The following RBMS3 variants were observed in gnomAD, a reference collection of about 807,000 sequenced individuals.
RBMS3 encodes RNA binding motif single stranded interacting protein 3.
In RBMS3, 27 loss-of-function variants were observed where a neutral mutation model predicts 66.8. The ratio of observed to expected loss-of-function variants is 0.40; its 90% CI spans 0.30 to 0.56. The LOEUF (loss-of-function observed/expected upper bound fraction) is 0.56, where lower values mean the gene tolerates loss of function less well. Among genes scored for constraint, RBMS3 ranks in the 20% least tolerant of loss-of-function variants. The pLI is 0.40. For missense variants in RBMS3, 513 were observed against 549.5 expected (o/e 0.93, Z 0.66); for synonymous variants, 188 against 183.0 (o/e 1.03, Z -0.22).
chr3:29,905,909 T>C (rs2060365172), intron 10 of RBMS3, among the ~76,000 whole-genome samples: 1 of 152,152 alleles, frequency 6.6e-6, no homozygotes, highest in Non-Finnish European at 1.5e-5. Context: ...AATATTTTTT[T>C]CATTGTTTCT....
intron 6 of RBMS3, among the ~76,000 whole-genome samples, chr3:29,824,884 T>C (rs1243428213): frequency 6.6e-6 from 1 of 152,062 alleles, no homozygotes; most frequent in Admixed American, 6.6e-5. Flanking sequence ...TAATGTATGA[T>C]TATTTTTATA....
chr3:29,729,458 G>A (rs1217880789), intron 4 of RBMS3, among the ~76,000 whole-genome samples: 1 of 152,104 alleles, frequency 6.6e-6, no homozygotes, highest in East Asian at 1.9e-4. Context: ...ACGCGTGCAT[G>A]TGTCTTTATA....
At chr3:29,391,037 TG>T in intron 1 of RBMS3, 1 of 392,274 alleles carries the variant, frequency 2.5e-6, no homozygotes, top group Non-Finnish European at 5.5e-6. Flanking sequence ...GTCAAGTTGG[TG>T]GAGGCCCTTT....
At chr3:29,987,307 T>C (rs1698454861) in intron 12 of RBMS3, among the ~76,000 whole-genome samples, 1 of 152,200 alleles carries the variant, frequency 6.6e-6, no homozygotes, top group South Asian at 2.1e-4. Flanking sequence ...ACTTTGAAGG[T>C]GCAGGATGAA....
chr3:29,449,272 G>A (rs938144143), intron 2 of RBMS3, among the ~76,000 whole-genome samples: 1 of 152,134 alleles, frequency 6.6e-6, no homozygotes, highest in Non-Finnish European at 1.5e-5. Context: ...GTTATGTCTA[G>A]TTTGGGGAAA....
chr3:29,302,618 TAA>T (rs2033755858), intron 1 of RBMS3, among the ~76,000 whole-genome samples: 1 of 152,066 alleles, frequency 6.6e-6, no homozygotes, highest in Admixed American at 6.6e-5. Context: ...TGTAAATATC[TAA>T]CTTAATCAGT....
chr3:29,637,002 C>A (rs2049500862), intron 4 of RBMS3, among the ~76,000 whole-genome samples: 1 of 151,636 alleles, frequency 6.6e-6, no homozygotes, highest in South Asian at 2.1e-4. Flanking sequence ...AATTTCAGAC[C>A]CAGGTTATTA....
At chr3:29,958,414 G>T (rs1696187971) in intron 12 of RBMS3, among the ~76,000 whole-genome samples, 1 of 151,978 alleles carries the variant, frequency 6.6e-6, no homozygotes, top group Non-Finnish European at 1.5e-5. Flanking sequence ...GGATATAAAT[G>T]TAAAGTAAGC....
intron 3 of RBMS3, among the ~76,000 whole-genome samples, chr3:29,564,537 A>G (rs1334023242): frequency 6.6e-6 from 1 of 152,072 alleles, no homozygotes; most frequent in Non-Finnish European, 1.5e-5. Flanking sequence ...CCTTATGTAC[A>G]AATTGGAAGT....
At chr3:29,491,069 T>C (rs2043524622) in intron 3 of RBMS3, among the ~76,000 whole-genome samples, 1 of 152,136 alleles carries the variant, frequency 6.6e-6, no homozygotes, top group Non-Finnish European at 1.5e-5. Flanking sequence ...CACGAAAATG[T>C]AAATTGCCAA....
At chr3:29,755,865 C>T (rs545952533) in intron 5 of RBMS3, among the ~76,000 whole-genome samples, 2 of 152,208 alleles carry the variant, frequency 1.3e-5, no homozygotes, top group African/African-American at 4.8e-5. Context: ...GGGTCACTTC[C>T]TTGGGGCATA....
At chr3:29,586,305 A>C (rs1338042889) in intron 3 of RBMS3, among the ~76,000 whole-genome samples, 2 of 152,134 alleles carry the variant, frequency 1.3e-5, no homozygotes, top group African/African-American at 4.8e-5. Flanking sequence ...TGGACTTTTC[A>C]TTGATGCCGT....
chr3:29,594,139 T>G (rs540493174), intron 4 of RBMS3, among the ~76,000 whole-genome samples: 1 of 152,336 alleles, frequency 6.6e-6, no homozygotes, highest in African/African-American at 2.4e-5. Context: ...ATAGCATCTT[T>G]GGGTTTTATT....
intron 3 of RBMS3, among the ~76,000 whole-genome samples, chr3:29,531,162 A>C (rs535674993): frequency 6.6e-6 from 1 of 152,340 alleles, no homozygotes; most frequent in South Asian, 2.1e-4. Flanking sequence ...TACCAGGAGA[A>C]TGGTGGTCAA....
chr3:29,810,727 C>T (rs1576874253), intron 6 of RBMS3, among the ~76,000 whole-genome samples: 1 of 152,018 alleles, frequency 6.6e-6, no homozygotes, highest in African/African-American at 2.4e-5. Context: ...AGACAAATAC[C>T]ATAGTAATAA....
chr3:29,581,614 T>C (rs374343260), intron 3 of RBMS3, among the ~76,000 whole-genome samples: 1 of 152,236 alleles, frequency 6.6e-6, no homozygotes, highest in African/African-American at 2.4e-5. Context: ...TGAATGTATA[T>C]ATAATTCTTA....
chr3:29,784,466 T>C (rs1040779520), intron 6 of RBMS3, among the ~76,000 whole-genome samples: 1 of 151,858 alleles, frequency 6.6e-6, no homozygotes, highest in African/African-American at 2.4e-5. Context: ...AAGAGGAAAA[T>C]TTAAAAATTC....
intron 4 of RBMS3, among the ~76,000 whole-genome samples, chr3:29,639,205 C>T (rs1168618207): frequency 2.0e-5 from 3 of 151,620 alleles, no homozygotes; most frequent in Non-Finnish European, 4.4e-5. Flanking sequence ...CTGAAAGTTT[C>T]CAGAAATTAA....
chr3:29,372,964 C>G (rs1396867065), intron 1 of RBMS3, among the ~76,000 whole-genome samples: 2 of 151,678 alleles, frequency 1.3e-5, no homozygotes, highest in African/African-American at 4.8e-5. Flanking sequence ...TTTATGTTAT[C>G]CCTATTTTAT....
Sources: gnomAD v4.1 joint callset for allele counts (sites outside exome capture counted in the v4.1 genomes callset) on GRCh38, gnomAD v4.1.1 for gene constraint, MANE v1.5 for transcripts, NCBI Gene and HGNC (gene_info 2026-07-23, HGNC 2026-07-21) for gene names.